CDH12: variants seen among roughly 807,000 people sequenced by gnomAD.
CDH12 encodes the protein cadherin-12.
In CDH12, 41 loss-of-function variants were observed where a neutral mutation model predicts 74.1. That is an observed-to-expected ratio of 0.55 (90% confidence interval 0.43 to 0.72). CDH12 has a LOEUF of 0.72. Ranked by LOEUF, CDH12 falls within the 30% of genes least tolerant of loss-of-function variation. CDH12 has a pLI of 0.00. For missense variants in CDH12, 945 were observed against 977.2 expected (o/e 0.97, Z 0.44); for synonymous variants, 399 against 355.0 (o/e 1.12, Z -1.39).
intron 1 of CDH12, among the ~76,000 whole-genome samples, chr5:22,575,512 C>T (rs945151697): frequency 6.6e-6 from 1 of 152,086 alleles, no homozygotes; most frequent in Non-Finnish European, 1.5e-5. Flanking sequence ...TCCACATCAG[C>T]CTCCCAAGTG....
chr5:22,721,052 A>G (rs1743854858), intron 1 of CDH12, among the ~76,000 whole-genome samples: 1 of 152,226 alleles, frequency 6.6e-6, no homozygotes, highest in Non-Finnish European at 1.5e-5. Context: ...TAGCCAAGAC[A>G]ATGGGGAAAA....
chr5:22,430,570 T>G (rs1270179996), intron 2 of CDH12, among the ~76,000 whole-genome samples: 1 of 152,166 alleles, frequency 6.6e-6, no homozygotes, highest in Non-Finnish European at 1.5e-5. Flanking sequence ...CCTCCCTGAG[T>G]GCTGCAGTTA....
At chr5:22,142,599 A>G in intron 4 of CDH12, 1 of 569,092 alleles carries the variant, frequency 1.8e-6, no homozygotes, top group South Asian at 1.8e-5. Context: ...TAGTTTTTCA[A>G]AATTCAATTC....
intron 14 of CDH12, 23 bp downstream of exon 14, chr5:21,755,568 C>T (rs373178721): frequency 2.1e-5 from 33 of 1,596,642 alleles, no homozygotes; most frequent in Non-Finnish European, 2.2e-5. Flanking sequence ...AAAAAATTAA[C>T]AATGATTAAT....
intron 1 of CDH12, among the ~76,000 whole-genome samples, chr5:22,575,549 T>C (rs1739742673): frequency 6.6e-6 from 1 of 152,034 alleles, no homozygotes; most frequent in Non-Finnish European, 1.5e-5. Context: ...TGTGTCATCA[T>C]GCCTGGCTAG....
chr5:22,574,073 C>CTTTTTTTTTTTTTTT (rs543910610), intron 1 of CDH12, among the ~76,000 whole-genome samples: 2 of 87,442 alleles, frequency 2.3e-5, no homozygotes, highest in Non-Finnish European at 4.3e-5. Context: ...GTCTCTCTCT[C>CTTTTTTTTTTTTTTT]TTTTTTTTTT....
chr5:21,892,499 A>G (rs1343924824), intron 6 of CDH12, among the ~76,000 whole-genome samples: 1 of 152,090 alleles, frequency 6.6e-6, no homozygotes, highest in African/African-American at 2.4e-5. Flanking sequence ...TAGGCCAGAG[A>G]TTAATTTGGA....
chr5:22,625,683 G>GGGCCC (rs1413468854), intron 1 of CDH12, among the ~76,000 whole-genome samples: 1 of 152,136 alleles, frequency 6.6e-6, no homozygotes, highest in African/African-American at 2.4e-5. Context: ...CTGTCTGCTG[G>GGGCCC]CCTTTCCTGG....
chr5:22,638,536 G>A (rs1266125618), intron 1 of CDH12, among the ~76,000 whole-genome samples: 1 of 152,120 alleles, frequency 6.6e-6, no homozygotes, highest in Non-Finnish European at 1.5e-5. Context: ...CACCCAGATT[G>A]AGGGTGGGTC....
At chr5:22,298,754 T>TTGA (rs1286862272) in intron 3 of CDH12, among the ~76,000 whole-genome samples, 1 of 152,142 alleles carries the variant, frequency 6.6e-6, no homozygotes, top group Non-Finnish European at 1.5e-5. Flanking sequence ...CAGGAAGAAA[T>TTGA]TGATAAAGTG....
intron 3 of CDH12, among the ~76,000 whole-genome samples, chr5:22,324,550 A>G (rs1306223713): frequency 6.6e-6 from 1 of 151,850 alleles, no homozygotes; most frequent in Non-Finnish European, 1.5e-5. Flanking sequence ...AAAATTTAAA[A>G]AAGAGTACAT....
chr5:22,124,912 C>A, intron 4 of CDH12, among the ~76,000 whole-genome samples: 1 of 152,134 alleles, frequency 6.6e-6, no homozygotes, highest in East Asian at 1.9e-4. Context: ...TCTATTACTG[C>A]ATTATTACTC....
At chr5:22,037,974 C>T (rs552241339) in intron 5 of CDH12, among the ~76,000 whole-genome samples, 1 of 152,280 alleles carries the variant, frequency 6.6e-6, no homozygotes, top group South Asian at 2.1e-4. Context: ...TCCCCATCAA[C>T]ACCTTGGACA....
At chr5:22,503,785 A>T (rs1736273369) in intron 2 of CDH12, among the ~76,000 whole-genome samples, 1 of 152,048 alleles carries the variant, frequency 6.6e-6, no homozygotes, top group Non-Finnish European at 1.5e-5. Flanking sequence ...CTTCTCATTT[A>T]TCTGGGCCTT....
chr5:22,255,951 C>G (rs1580452511), intron 3 of CDH12, among the ~76,000 whole-genome samples: 1 of 151,812 alleles, frequency 6.6e-6, no homozygotes, highest in East Asian at 1.9e-4. Context: ...ATGAATTTAA[C>G]CTTTATTCTA....
At chr5:21,904,151 A>T (rs988737648) in intron 6 of CDH12, among the ~76,000 whole-genome samples, 2 of 152,066 alleles carry the variant, frequency 1.3e-5, no homozygotes, top group East Asian at 1.9e-4. Flanking sequence ...AATAAACTTC[A>T]TGTTACATTT....
intron 3 of CDH12, among the ~76,000 whole-genome samples, chr5:22,261,221 C>T (rs1040678435): frequency 3.3e-5 from 5 of 151,548 alleles, no homozygotes; most frequent in African/African-American, 9.7e-5. Context: ...TTACATATTA[C>T]TCGTTCACAA....
chr5:22,648,691 C>A (rs889363757), intron 1 of CDH12, among the ~76,000 whole-genome samples: 7 of 151,830 alleles, frequency 4.6e-5, no homozygotes, highest in Admixed American at 3.9e-4. Context: ...TATTCACAGG[C>A]AGTTTATAAT....
intron 3 of CDH12, among the ~76,000 whole-genome samples, chr5:22,324,934 G>A (rs1412185337): frequency 6.6e-6 from 1 of 152,100 alleles, no homozygotes; most frequent in African/African-American, 2.4e-5. Flanking sequence ...AAAGCATGAT[G>A]GGATGATCAT....
Sources: allele counts gnomAD v4.1 joint callset (sites outside exome capture counted in the v4.1 genomes callset), GRCh38; gene constraint gnomAD v4.1.1; transcripts MANE v1.5; gene names NCBI Gene and HGNC (gene_info 2026-07-23, HGNC 2026-07-21).